SYNJ2: variants seen among roughly 807,000 people sequenced by gnomAD.
SYNJ2 encodes synaptojanin 2.
A neutral mutation model predicts 141.3 loss-of-function variants in SYNJ2; 116 were observed. The observed-to-expected ratio is 0.82, with a 90% CI of 0.71 to 0.96. SYNJ2 has a LOEUF of 0.96. Ranked by LOEUF, SYNJ2 falls within the 40% of genes least tolerant of loss-of-function variation. The pLI, the probability that SYNJ2 is intolerant of heterozygous loss-of-function variation, is 0.00. For synonymous variants in SYNJ2, 745 were observed against 777.7 expected (o/e 0.96, Z 0.70); for missense variants, 1,873 against 1,934.8 (o/e 0.97, Z 0.60).
At chr6:157,989,404 T>G (rs1777324321) in intron 1 of SYNJ2, among the ~76,000 whole-genome samples, 3 of 141,578 alleles carry the variant, frequency 2.1e-5, no homozygotes, top group African/African-American at 7.7e-5. Context: ...TTCAGTAAAA[T>G]CTCATTCTTA....
chr6:158,082,227 G>T (rs904133802), intron 20 of SYNJ2, among the ~76,000 whole-genome samples: 2 of 151,902 alleles, frequency 1.3e-5, no homozygotes, highest in African/African-American at 4.8e-5. Flanking sequence ...GGTGGCTTAC[G>T]CCTGTAATCT....
At chr6:158,012,512 G>T (rs1778303915) in intron 1 of SYNJ2, among the ~76,000 whole-genome samples, 1 of 152,190 alleles carries the variant, frequency 6.6e-6, no homozygotes, top group Non-Finnish European at 1.5e-5. Context: ...CAGCCTCTGG[G>T]AGCTGCAAGA....
At chr6:158,095,085 G>C (rs776620438) in intron 26 of SYNJ2, among the ~76,000 whole-genome samples, 12 of 151,672 alleles carry the variant, frequency 7.9e-5, no homozygotes, top group Non-Finnish European at 1.6e-4. Flanking sequence ...GGAGGCGGAG[G>C]TTACAGTGAG....
intron 22 of SYNJ2, among the ~76,000 whole-genome samples, chr6:158,085,504 A>G (rs1028173263): frequency 6.6e-6 from 1 of 152,178 alleles, no homozygotes; most frequent in Non-Finnish European, 1.5e-5. Context: ...GAGCTTAGCC[A>G]CGCATTGGGC....
chr6:158,090,541 TG>T (rs374148151), intron 25 of SYNJ2, among the ~76,000 whole-genome samples: 5 of 139,026 alleles, frequency 3.6e-5, no homozygotes, highest in African/African-American at 7.9e-5. Flanking sequence ...TTTTTTTTTT[TG>T]TTTTTTTTTT....
At position 158,043,265 on chromosome 6, in the gene SYNJ2, G is replaced by A. The variant is rs759119343; in HGVS notation, c.712-51G>A. On this transcript the variant is annotated intron_variant, in intron 4 of 26. Coordinates refer to ENST00000355585, the MANE Select transcript of SYNJ2 (RefSeq NM_003898.4). The surrounding 1 kb of genome is among the most constrained non-coding windows in gnomAD (Gnocchi z 4.0). ...CGGATCCCGTTACCCAGCCCAGGAC[G>A]TTCGGTTTCATTGAAGAATACCTTT... 16 of 1,546,016 alleles carry A rather than the reference G, an allele frequency of 1.0e-5. No homozygotes were observed. Among genetic ancestry groups the A allele is most frequent in the Admixed American group, 6.7e-5 (4 of 59,508 alleles).
rs904600299 is a variant in SYNJ2 at position 158,040,702 on chromosome 6, T to C, written c.712-2614T>C. Among the ~76,000 whole-genome samples, 3 of 152,210 alleles carry C rather than the reference T, an allele frequency of 2.0e-5. No individual in the cohort carries two copies. The highest frequency in any genetic ancestry group is 7.2e-5 in the African/African-American group (3 of 41,450). On this transcript the variant is annotated intron_variant, in intron 4 of 26. Coordinates refer to ENST00000355585, the MANE Select transcript of SYNJ2 (RefSeq NM_003898.4). The surrounding 1 kb of genome is among the most constrained non-coding windows in gnomAD (Gnocchi z 4.2). The stretch of plus-strand genomic sequence containing the variant: ...GAAGGTCAGCAGAAAGCCTTTCAGA[T>C]AGAAGGTATATGTACCCCTGTGAGT...
At chr6:158,060,981 A>G (rs928459460) in intron 7 of SYNJ2, among the ~76,000 whole-genome samples, 4 of 152,232 alleles carry the variant, frequency 2.6e-5, no homozygotes, top group Non-Finnish European at 5.9e-5. Flanking sequence ...CCCAGGGCCC[A>G]ATGGCCATCA....
chr6:158,023,139 T>C (rs1454615191), intron 2 of SYNJ2, among the ~76,000 whole-genome samples: 1 of 151,684 alleles, frequency 6.6e-6, no homozygotes, highest in Non-Finnish European at 1.5e-5. Context: ...ACGCCTGTAG[T>C]CCCAGCTACT....
intron 18 of SYNJ2, 108 bp downstream of exon 18, chr6:158,078,389 G>A: frequency 4.2e-6 from 3 of 707,506 alleles, no homozygotes; most frequent in South Asian, 1.8e-5. Flanking sequence ...TGCGCATGGG[G>A]GTGCATTTTG....
intron 1 of SYNJ2, among the ~76,000 whole-genome samples, chr6:158,016,583 T>C (rs1047987484): frequency 4.6e-5 from 7 of 152,180 alleles, no homozygotes; most frequent in African/African-American, 1.7e-4. Flanking sequence ...TGTGGCATCA[T>C]TGGAGAGGTT....
intron 8 of SYNJ2, 106 bp from the exon 9 acceptor site, chr6:158,063,685 A>AC (rs1258268150): frequency 6.0e-6 from 4 of 668,468 alleles, no homozygotes; most frequent in African/African-American, 5.7e-5. Context: ...AAAAAAAAAA[A>AC]AACCATGTTT....
At position 158,084,687 on chromosome 6, in the gene SYNJ2, C is replaced by CT. The variant is rs1055272289; in HGVS notation, c.3208+514dup. Among the ~76,000 whole-genome samples the CT allele has an allele frequency of 2.0e-5, 3 of 151,970 alleles. No homozygotes were observed. Among genetic ancestry groups the CT allele is most frequent in the African/African-American group, 7.3e-5 (3 of 41,354 alleles). On this transcript the variant is annotated intron_variant, in intron 22 of 26. Transcript: ENST00000355585. The surrounding 1 kb of genome is among the most constrained non-coding windows in gnomAD (Gnocchi z 5.0). ...TAGCAGGGCATGGTGGTGCACATGC[C>CT]TGTAATCCCAGCTACTCAGGCAGCT...
intron 1 of SYNJ2, among the ~76,000 whole-genome samples, chr6:158,014,707 A>G (rs1778383932): frequency 1.3e-5 from 2 of 152,222 alleles, no homozygotes; most frequent in South Asian, 4.1e-4. Flanking sequence ...GGACAGAGCC[A>G]TCTGATTGGT....
intron 1 of SYNJ2, among the ~76,000 whole-genome samples, chr6:157,994,531 C>G (rs925960169): frequency 6.6e-6 from 1 of 152,256 alleles, no homozygotes; most frequent in Admixed American, 6.5e-5. Flanking sequence ...GGATCTACCT[C>G]TCTTTTCACC....
intron 1 of SYNJ2, among the ~76,000 whole-genome samples, chr6:157,993,710 C>CTTTTTT (rs34971762): frequency 7.4e-5 from 3 of 40,554 alleles, no homozygotes; most frequent in African/African-American, 3.3e-4. Context: ...TCTTGCATAG[C>CTTTTTT]TTTTTTTTTT....
chr6:158,002,523 G>A (rs1333948832), intron 1 of SYNJ2: 1 of 152,276 alleles, frequency 6.6e-6, no homozygotes, highest in East Asian at 1.9e-4. Context: ...TGGAAAAGTA[G>A]CCAGGATCAG....
chr6:158,026,425 G>A (rs942324674), intron 2 of SYNJ2, among the ~76,000 whole-genome samples: 34 of 152,172 alleles, frequency 2.2e-4, no homozygotes, highest in African/African-American at 7.0e-4. Context: ...TGCGGTGGGC[G>A]GGAGGATGGA....
rs531490341 is a variant in SYNJ2 at position 158,027,945 on chromosome 6, G to C, written c.215-811G>C. ...GGATGGAATGCTGGGCCCGAAGCCT[G>C]AAGTATTGTTAGGGTAGAGACAGGC... is the stretch of plus-strand genomic sequence containing the variant. On this transcript the variant is annotated intron_variant, in intron 2 of 26. Coordinates refer to ENST00000355585, the MANE Select transcript of SYNJ2 (RefSeq NM_003898.4). The surrounding 1 kb of genome is among the most constrained non-coding windows in gnomAD (Gnocchi z 4.6). 5.2e-5 allele frequency: 8 copies of C among 152,678 alleles called. No homozygotes were observed. Among genetic ancestry groups the C allele is most frequent in the Admixed American group, 5.2e-4 (8 of 15,294 alleles). 9.5% of individuals were successfully genotyped at this position (152,678 alleles called of 1,614,324 possible).
Sources: allele counts gnomAD v4.1 joint callset (sites outside exome capture counted in the v4.1 genomes callset), GRCh38; gene constraint gnomAD v4.1.1; non-coding constraint Gnocchi (gnomAD v3.1); transcripts MANE v1.5; gene names NCBI Gene and HGNC (gene_info 2026-07-23, HGNC 2026-07-21).